Variants in SETD1B observed in about 807,000 individuals in gnomAD.
SETD1B encodes SET domain containing 1B, histone lysine methyltransferase, also known as histone-lysine N-methyltransferase SETD1B.
Under a neutral mutation model 148.0 loss-of-function variants are expected in SETD1B, and 7 were observed. That is an observed-to-expected ratio of 0.05 (90% confidence interval 0.03 to 0.09). The LOEUF is 0.09. Ranked by LOEUF, SETD1B falls within the 10% of genes least tolerant of loss-of-function variation. SETD1B has a pLI of 1.00. For missense variants in SETD1B, 2,155 were observed against 2,729.9 expected (o/e 0.79, Z 4.69); for synonymous variants, 1,361 against 1,186.5 (o/e 1.15, Z -3.02).
Position 121,831,473 on chromosome 12 carries a change from A to G in SETD1B, c.*1234A>G, listed in dbSNP as rs1343916658. 1 of 149,960 alleles carries G rather than the reference A, an allele frequency of 6.7e-6. No individual in the cohort carries two copies. The highest frequency in any genetic ancestry group is 1.5e-5 in the Non-Finnish European group (1 of 67,634). 9.3% of individuals were successfully genotyped at this position (149,960 alleles called of 1,614,324 possible). On this transcript the variant is annotated 3_prime_UTR_variant, in exon 17 of 17. Coordinates refer to ENST00000604567, the MANE Select transcript of SETD1B (RefSeq NM_001353345.2). ...TGGCTTTTTTTTTTCTTGTGCGTGT[A>G]TAAAATCAAAAGGAAGGGGAAAAAG...
upstream of SETD1B, chr12:121,800,850 G>GCTCCGAGATGCTGCA (rs1875311895): frequency 1.3e-5 from 2 of 151,530 alleles, no homozygotes; most frequent in Non-Finnish European, 2.9e-5. Context: ...GGCCCGACCT[G>GCTCCGAGATGCTGCA]GCCGCGGGCC....
Position 121,817,509 on chromosome 12 carries a change from G to A in SETD1B, c.3117G>A (p.Glu1039=), listed in dbSNP as rs748195751. ...LDSGGEEDEK[E]SLSASSSSSA... The stretch of plus-strand genomic sequence containing the variant: ...GTGGTGGGGAGGAGGACGAGAAGGA[G>A]TCATTGTCGGCGTCCTCGTCCTCAT... Residue 1039 remains glutamate, a synonymous_variant, in exon 9 of 17, where the codon GAG becomes GAA. Transcript: ENST00000604567. This position sits in a 1 kb window ranked among gnomAD's most constrained non-coding sequence, Gnocchi z 8.1. The A allele has an allele frequency of 1.3e-6, 2 of 1,551,278 alleles. No individual in the cohort carries two copies. Among genetic ancestry groups the A allele is most frequent in the African/African-American group, 2.7e-5 (2 of 73,036 alleles).
chr12:121,795,788 C>T, the SETD1B span: 1 of 152,672 alleles, frequency 6.5e-6, no homozygotes, highest in Non-Finnish European at 1.5e-5. Context: ...CATAGGAGGG[C>T]TCCTGACTGT....
At chr12:121,790,591 TTCC>T in the SETD1B span, among the ~76,000 whole-genome samples, 2 of 152,218 alleles carry the variant, frequency 1.3e-5, no homozygotes, top group Non-Finnish European at 2.9e-5. Flanking sequence ...ACCAGGGGAT[TTCC>T]TCCTATGAGC....
Position 121,814,107 on chromosome 12 carries a change from G to T in SETD1B, c.1892G>T (p.Gly631Val). The T allele has an allele frequency of 1.3e-6, 2 of 1,547,860 alleles. No homozygotes were observed. Among genetic ancestry groups the T allele is most frequent in the Non-Finnish European group, 1.7e-6 (2 of 1,146,252 alleles). ...TGTCTCTCCCTGCTCTCTCTGCAGG[G>T]CCAGCAGTCCTCAGGCGAGGACATG... The part of the protein sequence containing the change: ...RTPTSEKMDE[G>V]QQSSGEDMEI... The change falls in exon 7 of 17, where the codon GGC becomes GTC. Residue 631 changes from glycine to valine, a missense_variant and splice_region_variant. Coordinates refer to ENST00000604567, the MANE Select transcript of SETD1B (RefSeq NM_001353345.2).
the SETD1B span, chr12:121,797,492 G>C: frequency 8.8e-6 from 4 of 456,470 alleles, no homozygotes; most frequent in African/African-American, 8.0e-5. Context: ...AGAAAGAAGA[G>C]GGACCAAAGC....
intron 13 of SETD1B, among the ~76,000 whole-genome samples, chr12:121,826,602 C>A (rs752756469): frequency 6.6e-6 from 1 of 151,912 alleles, no homozygotes; most frequent in Non-Finnish European, 1.5e-5. Context: ...GGTAAGTGAC[C>A]TGTCTCCTGG....
the SETD1B span, chr12:121,793,316 C>T: frequency 3.4e-6 from 5 of 1,459,144 alleles, no homozygotes; most frequent in Non-Finnish European, 4.7e-6. Flanking sequence ...ACTGTCCACC[C>T]CCCTCACTCG....
In SETD1B at chr12:121,823,349, A is replaced by ACCCC; in HGVS notation, c.4772_4775dup (p.Pro1594ThrfsTer15). On this transcript the variant is annotated frameshift_variant, in exon 12 of 17. Transcript: ENST00000604567. LOFTEE classifies it high-confidence loss of function. ...CTCCACCACCCCTTCCCCCCCAGCCACCCCCACCCCCACCTCCCCCACCTG... is the reference window on the plus strand; with the variant it reads ...CTCCACCACCCCTTCCCCCCCAGCCACCCCCCCCCACCCCCACCTCCCCCACCTG... 2 of 166,806 alleles carry ACCCC rather than the reference A, an allele frequency of 1.2e-5. No individual in the cohort carries two copies. The highest frequency in any genetic ancestry group is 1.1e-4 in the Admixed American group (1 of 9,480). 10.3% of individuals were successfully genotyped at this position (166,806 alleles called of 1,614,324 possible).
intron 13 of SETD1B, among the ~76,000 whole-genome samples, chr12:121,825,901 C>A (rs1206277027): frequency 6.6e-6 from 1 of 152,112 alleles, no homozygotes; most frequent in Admixed American, 6.5e-5. Context: ...CTGCCTTGGT[C>A]TCCCAAACTG....
rs1464540484 is a variant in SETD1B at position 121,819,385 on chromosome 12, G to A, written c.3419-19G>A. On this transcript the variant is annotated intron_variant, in intron 10 of 16. Transcript: ENST00000604567. ...ACAGCGGGTCCTCAGGCAGCCCCTCGTCTGTGTCCCCCATCCAGAGGAGAC... is the reference window on the plus strand; with the variant it reads ...ACAGCGGGTCCTCAGGCAGCCCCTCATCTGTGTCCCCCATCCAGAGGAGAC... 8.4e-6 allele frequency: 13 copies of A among 1,551,156 alleles called. No homozygotes were observed. Among genetic ancestry groups the A allele is most frequent in the Admixed American group, 5.9e-5 (3 of 50,950 alleles).
At chr12:121,812,173 C>T (rs1282429675) in intron 6 of SETD1B, among the ~76,000 whole-genome samples, 2 of 152,130 alleles carry the variant, frequency 1.3e-5, no homozygotes, top group East Asian at 1.9e-4. Flanking sequence ...GGGAATAGCG[C>T]CTGGGCTTTC....
In SETD1B at chr12:121,810,967, G is replaced by T; in HGVS notation, c.1890+132G>T. On this transcript the variant is annotated intron_variant, in intron 6 of 16. Coordinates refer to ENST00000604567, the MANE Select transcript of SETD1B (RefSeq NM_001353345.2). This position sits in a 1 kb window ranked among gnomAD's most constrained non-coding sequence, Gnocchi z 7.6. ...GGCTAGGAAAGCCAATATAACAGGT[G>T]GAACTTACAGAATAAAAAGGGGATG... 4 of 1,178,816 alleles carry T rather than the reference G, an allele frequency of 3.4e-6. No individual in the cohort carries two copies. The highest frequency in any genetic ancestry group is 4.6e-6 in the Non-Finnish European group (4 of 869,644). The allele number at this position is 1,178,816 out of a possible 1,614,324, so 73.0% of individuals were successfully genotyped here. A position where few individuals can be genotyped will look rare whatever the true frequency, so the allele number is the denominator to read the frequency against.
rs1162024798 is a variant in SETD1B at position 121,823,009 on chromosome 12, C to T, written c.4430C>T (p.Pro1477Leu). Residue 1477 changes from proline to leucine, a missense_variant, in exon 12 of 17, where the codon CCC (proline) becomes CTC (leucine). By Grantham distance (98) the Pro-to-Leu change is moderately conservative. Around this residue, in one of 11 missense-constraint regions of SETD1B, gnomAD observed 862 missense variants for 873.8 expected, o/e 0.99. Transcript: ENST00000604567. ...GAGACGGGCCTGCCCCTCCCTCTGCCCCTTCCCCTGCCCTTGCCCTTGGCA... is the reference window on the plus strand; with the variant it reads ...GAGACGGGCCTGCCCCTCCCTCTGCTCCTTCCCCTGCCCTTGCCCTTGGCA... Reference protein sequence around the residue: ...LLETGLPLPLPLPLPLPLALP... With the variant: ...LLETGLPLPLLLPLPLPLALP... The T allele has an allele frequency of 6.6e-7, 1 of 1,524,346 alleles. No homozygotes were observed. Among genetic ancestry groups the T allele is most frequent in the Non-Finnish European group, 8.8e-7 (1 of 1,137,594 alleles). The allele number at this position is 1,524,346 out of a possible 1,614,324, so 94.4% of individuals were successfully genotyped here. A position where few individuals can be genotyped will look rare whatever the true frequency, so the allele number is the denominator to read the frequency against.
intron 13 of SETD1B, among the ~76,000 whole-genome samples, chr12:121,825,946 T>C (rs1421329510): frequency 3.3e-5 from 5 of 152,114 alleles, no homozygotes; most frequent in Non-Finnish European, 7.4e-5. Flanking sequence ...TCGCATGGCC[T>C]CATTCATTCT....
At chr12:121,793,625 G>T in the SETD1B span, 1 of 1,541,804 alleles carries the variant, frequency 6.5e-7, no homozygotes, top group Non-Finnish European at 8.7e-7. Context: ...GGGCCCCGGG[G>T]GCATCCATTG....
rs1876381191 is a variant in SETD1B at position 121,817,959 on chromosome 12, G to T, written c.3418+55G>T. 6.8e-7 allele frequency: 1 copy of T among 1,460,478 alleles called. No individual in the cohort carries two copies. The highest frequency in any genetic ancestry group is 2.7e-5 in the Admixed American group (1 of 37,662). 90.5% of individuals were successfully genotyped at this position (1,460,478 alleles called of 1,614,324 possible). A position where few individuals can be genotyped will look rare whatever the true frequency, so the allele number is the denominator to read the frequency against. ...CTCCCGGAGTCCCTCTTTCCCCGGG[G>T]CAGAGCCTGAGCAATTGTCAGAAAT... On this transcript the variant is annotated intron_variant, in intron 10 of 16. Coordinates refer to ENST00000604567, the MANE Select transcript of SETD1B (RefSeq NM_001353345.2). This position sits in a 1 kb window ranked among gnomAD's most constrained non-coding sequence, Gnocchi z 8.1.
At chr12:121,820,172 A>T (rs1231190756) in intron 11 of SETD1B, among the ~76,000 whole-genome samples, 1 of 152,246 alleles carries the variant, frequency 6.6e-6, no homozygotes, top group Non-Finnish European at 1.5e-5. Flanking sequence ...TTGGACCATC[A>T]GTCCCATGAG....
Position 121,830,212 on chromosome 12 carries a change from C to G in SETD1B, c.5874C>G (p.Ser1958=), listed in dbSNP as rs555503031. 237 of 1,551,000 alleles carry G rather than the reference C, an allele frequency of 1.5e-4. 1 individual carries two copies. Among genetic ancestry groups the G allele is most frequent in the Non-Finnish European group, 2.0e-4 (231 of 1,146,840 alleles). Reference sequence around the variant, plus strand: ...TCAAGATCCCCTGCCTCTGTGGCTCCGAGAACTGCCGGGGGACCCTCAACT... The same window carrying G: ...TCAAGATCCCCTGCCTCTGTGGCTCGGAGAACTGCCGGGGGACCCTCAACT... ...EDVKIPCLCG[S]ENCRGTLN Residue 1958 remains serine (S), a synonymous_variant, in exon 17 of 17, where the codon TCC becomes TCG. Coordinates refer to ENST00000604567, the MANE Select transcript of SETD1B (RefSeq NM_001353345.2). The surrounding 1 kb of genome is among the most constrained non-coding windows in gnomAD (Gnocchi z 5.7).
Sources: gnomAD v4.1 joint callset for allele counts (sites outside exome capture counted in the v4.1 genomes callset) on GRCh38, gnomAD v4.1.1 for gene constraint, gnomAD v4.1.1 regional missense constraint, Gnocchi (gnomAD v3.1) non-coding constraint, MANE v1.5 for transcripts, NCBI Gene and HGNC (gene_info 2026-07-23, HGNC 2026-07-21) for gene names.